Variants in GABRA3 observed in about 807,000 individuals in gnomAD.
GABRA3 encodes the protein gamma-aminobutyric acid type A receptor subunit alpha3.
In GABRA3, 10 loss-of-function variants were observed where a neutral mutation model predicts 30.1. The observed-to-expected ratio is 0.33, with a 90% CI of 0.20 to 0.56. The LOEUF is 0.56. Ranked by LOEUF, GABRA3 falls within the 20% of genes least tolerant of loss-of-function variation. The pLI is 0.89. For synonymous variants in GABRA3, 151 were observed against 146.8 expected (o/e 1.03, Z -0.21); for missense variants, 233 against 392.0 (o/e 0.59, Z 3.42).
intron 2 of GABRA3, among the ~76,000 whole-genome samples, chrX:152,348,935 A>G (rs1224030717): frequency 8.9e-6 from 1 of 111,814 alleles, no homozygotes; most frequent in Non-Finnish European, 1.9e-5. Flanking sequence ...AGGTTGGGGC[A>G]GCTGTGGCAA....
At chrX:152,447,843 G>T (rs975632907) in intron 1 of GABRA3, among the ~76,000 whole-genome samples, 2 of 111,807 alleles carry the variant, frequency 1.8e-5, no homozygotes, top group African/African-American at 3.3e-5. Context: ...TGGGCAGGTA[G>T]CCTAGACCAG....
At chrX:152,373,003 C>T (rs1928884427) in intron 1 of GABRA3, among the ~76,000 whole-genome samples, 1 of 111,730 alleles carries the variant, frequency 9.0e-6, no homozygotes, top group Non-Finnish European at 1.9e-5. Context: ...AGGTTCATGC[C>T]TCCTATCTGT....
intron 4 of GABRA3, among the ~76,000 whole-genome samples, chrX:152,275,228 T>TA (rs1569378313): frequency 3.1e-4 from 20 of 64,283 alleles, no homozygotes; most frequent in African/African-American, 1.1e-3. Flanking sequence ...ATATATATAA[T>TA]TTATATATAT....
intron 5 of GABRA3, among the ~76,000 whole-genome samples, chrX:152,234,569 T>A (rs1357018045): frequency 1.8e-5 from 2 of 111,794 alleles, no homozygotes; most frequent in African/African-American, 3.2e-5. Context: ...AGTAGAGTTT[T>A]TCTAGATTTT....
intron 7 of GABRA3, among the ~76,000 whole-genome samples, chrX:152,202,499 ATG>A (rs202018655): frequency 2.7e-5 from 3 of 111,287 alleles, no homozygotes; most frequent in Non-Finnish European, 5.7e-5. Flanking sequence ...TAGAAAGATT[ATG>A]TGTGTGTGTG....
intron 3 of GABRA3, among the ~76,000 whole-genome samples, chrX:152,295,459 C>G (rs144606283): frequency 6.0e-4 from 68 of 113,051 alleles, no homozygotes; most frequent in African/African-American, 2.1e-3. Context: ...CAGACTGCTG[C>G]GCTAGCAGTG....
intron 5 of GABRA3, among the ~76,000 whole-genome samples, chrX:152,249,776 GC>G (rs1301942217): frequency 9.0e-6 from 1 of 110,527 alleles, no homozygotes; most frequent in Non-Finnish European, 1.9e-5. Context: ...CACTCTTCAA[GC>G]CTTTATACAT....
At chrX:152,337,556 T>C (rs1603244033) in intron 3 of GABRA3, among the ~76,000 whole-genome samples, 2 of 111,973 alleles carry the variant, frequency 1.8e-5, no homozygotes, top group East Asian at 2.8e-4. Flanking sequence ...TGGTTGGGCA[T>C]GGTGACTCAC....
At chrX:152,358,923 T>C (rs956031998) in intron 2 of GABRA3, among the ~76,000 whole-genome samples, 14 of 111,908 alleles carry the variant, frequency 1.3e-4, no homozygotes, top group African/African-American at 3.2e-4. Context: ...TACTTGATCA[T>C]GGTGGATTCA....
chrX:152,314,336 A>G (rs1252145828), intron 3 of GABRA3, among the ~76,000 whole-genome samples: 1 of 112,257 alleles, frequency 8.9e-6, no homozygotes, highest in African/African-American at 3.2e-5. Flanking sequence ...AAAACAACAG[A>G]ACAATAAATA....
intron 1 of GABRA3, among the ~76,000 whole-genome samples, chrX:152,390,995 T>C (rs1356994895): frequency 9.0e-6 from 1 of 111,667 alleles, no homozygotes; most frequent in Non-Finnish European, 1.9e-5. Flanking sequence ...TTAATGGCTA[T>C]ATTGCTGATA....
intron 1 of GABRA3, among the ~76,000 whole-genome samples, chrX:152,432,714 C>T (rs1930676153): frequency 1.8e-5 from 2 of 111,388 alleles, no homozygotes; most frequent in Non-Finnish European, 3.8e-5. Context: ...TAATTCTTAT[C>T]TTCTGCAAAC....
intron 1 of GABRA3, among the ~76,000 whole-genome samples, chrX:152,449,595 G>A (rs958280021): frequency 1.2e-4 from 13 of 111,257 alleles, no homozygotes; most frequent in Admixed American, 3.8e-4. Context: ...AAATCCAGGT[G>A]AAGCCCGGCT....
chrX:152,280,393 G>T (rs908952358), intron 4 of GABRA3, among the ~76,000 whole-genome samples: 1 of 111,515 alleles, frequency 9.0e-6, no homozygotes, highest in Admixed American at 9.6e-5. Context: ...GCCAGTAAGG[G>T]AGAGTTTGAA....
At chrX:152,443,169 C>G (rs1016181986) in intron 1 of GABRA3, among the ~76,000 whole-genome samples, 1 of 111,326 alleles carries the variant, frequency 9.0e-6, no homozygotes, top group Non-Finnish European at 1.9e-5. Context: ...AATGTAAGTT[C>G]TTAATGGAAC....
At chrX:152,359,582 T>A (rs1276799972) in intron 2 of GABRA3, among the ~76,000 whole-genome samples, 42 of 111,126 alleles carry the variant, frequency 3.8e-4, no homozygotes, top group Admixed American at 3.6e-3. Context: ...TGTTATTTCT[T>A]GTCTTTTGCT....
intron 4 of GABRA3, among the ~76,000 whole-genome samples, chrX:152,262,500 C>A (rs1230608573): frequency 8.9e-6 from 1 of 111,969 alleles, no homozygotes; most frequent in Non-Finnish European, 1.9e-5. Context: ...ATCGCTAGGG[C>A]AGGGGCAAAA....
chrX:152,169,196 G>GT (rs1305923377), intron 9 of GABRA3, among the ~76,000 whole-genome samples: 1 of 112,499 alleles, frequency 8.9e-6, no homozygotes, highest in African/African-American at 3.2e-5. Context: ...AGAGAGCTTG[G>GT]TGAGTCTGAA....
chrX:152,224,741 G>C (rs1937906264), intron 6 of GABRA3, 22 bp downstream of exon 6: 1 of 1,090,414 alleles, frequency 9.2e-7, no homozygotes, highest in South Asian at 2.0e-5. Context: ...AAAAGACAGA[G>C]AGAGAGAGAG....
Sources: allele counts gnomAD v4.1 joint callset (sites outside exome capture counted in the v4.1 genomes callset), GRCh38; gene constraint gnomAD v4.1.1; transcripts MANE v1.5; gene names NCBI Gene and HGNC (gene_info 2026-07-23, HGNC 2026-07-21).